ASNS: variants seen among roughly 807,000 people sequenced by gnomAD.
ASNS encodes the protein asparagine synthetase (glutamine-hydrolyzing).
ASNS carries 37 observed loss-of-function variants against 62.6 expected under a neutral mutation model. The ratio of observed to expected loss-of-function variants is 0.59; its 90% CI spans 0.45 to 0.78. The LOEUF (loss-of-function observed/expected upper bound fraction) is 0.78. Among genes scored for constraint, ASNS ranks in the 30% least tolerant of loss-of-function variants. ASNS has a pLI of 0.00. For synonymous variants in ASNS, 207 were observed against 237.9 expected (o/e 0.87, Z 1.19); for missense variants, 520 against 682.4 (o/e 0.76, Z 2.65).
chr7:97,897,468 C>A, the ASNS span, among the ~76,000 whole-genome samples: 1 of 152,136 alleles, frequency 6.6e-6, no homozygotes, highest in African/African-American at 2.4e-5. Context: ...ACAGACATTT[C>A]TCAAAAGAAA....
chr7:97,861,152 G>C (rs1481152107), intron 4 of ASNS, among the ~76,000 whole-genome samples: 1 of 151,440 alleles, frequency 6.6e-6, no homozygotes, highest in Non-Finnish European at 1.5e-5. Flanking sequence ...CTCCTGAGTA[G>C]CTGGGACTAC....
At chr7:97,863,223 T>C (rs1791805601) in intron 4 of ASNS, 1 of 152,190 alleles carries the variant, frequency 6.6e-6, no homozygotes, top group Non-Finnish European at 1.5e-5. Context: ...GTAAATAATG[T>C]CCTAAATGTC....
chr7:97,888,346 A>C, the ASNS span, among the ~76,000 whole-genome samples: 2 of 148,496 alleles, frequency 1.3e-5, no homozygotes, highest in African/African-American at 5.0e-5. Context: ...TTTTTTTTTA[A>C]GAAAAAGTTG....
chr7:97,884,145 CCA>C, the ASNS span, among the ~76,000 whole-genome samples: 1 of 152,170 alleles, frequency 6.6e-6, no homozygotes, highest in Non-Finnish European at 1.5e-5. Context: ...TGTGAAGTTT[CCA>C]CACACTAATG....
At chr7:97,881,389 C>A in the ASNS span, among the ~76,000 whole-genome samples, 91,038 of 148,570 alleles carry the variant, frequency 0.61, 28,003 homozygotes, top group East Asian at 0.67. Context: ...CCCCGCCCCC[C>A]CAAAAAATAA....
the ASNS span, among the ~76,000 whole-genome samples, chr7:97,911,309 T>C: frequency 1.3e-5 from 2 of 152,214 alleles, no homozygotes; most frequent in Non-Finnish European, 2.9e-5. Context: ...TCTCTACTTT[T>C]ATGTTTATCG....
At chr7:97,900,488 CT>C in the ASNS span, among the ~76,000 whole-genome samples, 1 of 151,120 alleles carries the variant, frequency 6.6e-6, no homozygotes, top group Non-Finnish European at 1.5e-5. Flanking sequence ...AGTTTAACAA[CT>C]TCCCAAACAA....
chr7:97,864,231 G>C, intron 4 of ASNS, 28 bp downstream of exon 4: 1 of 1,569,546 alleles, frequency 6.4e-7, no homozygotes, highest in Middle Eastern at 1.7e-4. Context: ...AGACAATAAT[G>C]AAAATCTATA....
At chr7:97,883,251 A>T in the ASNS span, among the ~76,000 whole-genome samples, 1 of 152,162 alleles carries the variant, frequency 6.6e-6, no homozygotes, top group Non-Finnish European at 1.5e-5. Flanking sequence ...ATAGGGAAGG[A>T]GGAGTTGTTG....
the ASNS span, among the ~76,000 whole-genome samples, chr7:97,882,323 C>T: frequency 4.6e-5 from 7 of 152,064 alleles, no homozygotes; most frequent in East Asian, 1.9e-4. Flanking sequence ...CCGAGGCTGA[C>T]GGATCACGAG....
At chr7:97,858,458 C>T in intron 6 of ASNS, 53 bp from the exon 7 acceptor site, 2 of 1,603,182 alleles carry the variant, frequency 1.2e-6, no homozygotes, top group Non-Finnish European at 1.7e-6. Context: ...TTGCATAAGA[C>T]AGGGACAGAA....
At chr7:97,871,196 G>A (rs1584479689) in intron 1 of ASNS, among the ~76,000 whole-genome samples, 2 of 151,962 alleles carry the variant, frequency 1.3e-5, no homozygotes, top group Non-Finnish European at 2.9e-5. Context: ...AAATATTATC[G>A]AGCAGATATT....
chr7:97,881,354 G>A, the ASNS span, among the ~76,000 whole-genome samples: 1 of 151,920 alleles, frequency 6.6e-6, no homozygotes. Context: ...TCTCTGTCTA[G>A]TTCCAAAACA....
chr7:97,873,986 G>C (rs1485964434), upstream of ASNS, among the ~76,000 whole-genome samples: 1 of 152,140 alleles, frequency 6.6e-6, no homozygotes, highest in African/African-American at 2.4e-5. Context: ...ATCTTATCAG[G>C]AGACAGGGTT....
rs764969091 is a variant in ASNS at position 97,864,404 on chromosome 7, A to T, written c.342T>A (p.Ile114=). The T allele has an allele frequency of 2.5e-6, 4 of 1,613,832 alleles. No individual in the cohort carries two copies. The East Asian group carries it at 8.9e-5, about 36-fold the overall frequency. Residue 114 remains isoleucine, a synonymous_variant, in exon 4 of 13, where the codon ATT becomes ATA. Coordinates refer to ENST00000394308, the MANE Select transcript of ASNS (RefSeq NM_001673.5). ...LYDKGGIEQT[I]CMLDGVFAFV... Reference sequence around the variant, plus strand: ...ATGCAAACACACCATCCAACATACAAATTGTTTGCTCAATTCCTCCTTTGT... The same window carrying T: ...ATGCAAACACACCATCCAACATACATATTGTTTGCTCAATTCCTCCTTTGT...
chr7:97,858,015 C>A (rs1182548105), intron 7 of ASNS, among the ~76,000 whole-genome samples: 15 of 152,076 alleles, frequency 9.9e-5, no homozygotes, highest in Admixed American at 9.8e-4. Flanking sequence ...TGCCCAGACA[C>A]CTTTACTTTC....
Position 97,852,096 on chromosome 7 carries a change from G to T in ASNS, c.*163C>A. On this transcript the variant is annotated 3_prime_UTR_variant, in exon 13 of 13. Transcript: ENST00000394308. Reference sequence around the variant, plus strand: ...CAGTTCTAGTTACCTCTTATGAAGAGACTGCATGAACATAAATGACTACAG... The same window carrying T: ...CAGTTCTAGTTACCTCTTATGAAGATACTGCATGAACATAAATGACTACAG... 1 of 730,284 alleles carries T rather than the reference G, an allele frequency of 1.4e-6. No homozygotes were observed. The highest frequency in any genetic ancestry group is 2.2e-6 in the Non-Finnish European group (1 of 451,170). The allele number at this position is 730,284 out of a possible 1,614,324, so 45.2% of individuals were successfully genotyped here.
At chr7:97,856,880 A>C in intron 7 of ASNS, 64 bp from the exon 8 acceptor site, 3 of 1,449,804 alleles carry the variant, frequency 2.1e-6, no homozygotes, top group Non-Finnish European at 1.9e-6. Context: ...AAAATCAAAC[A>C]TGATGGGAGT....
Position 97,868,935 on chromosome 7 carries a change from G to A in ASNS, c.222C>T (p.Tyr74=). ...VKKYPYLWLC[Y]NGEIYNHKKM... ...TCTTATGGTTGTAGATTTCACCATT[G>A]TAACAGAGCCACAAATACGGATATT... Residue 74 remains tyrosine, a synonymous_variant, in exon 3 of 13, where the codon TAC becomes TAT. Transcript: ENST00000394308. 6.2e-7 allele frequency: 1 copy of A among 1,614,102 alleles called. No individual in the cohort carries two copies. Among genetic ancestry groups the A allele is most frequent in the Non-Finnish European group, 8.5e-7 (1 of 1,180,034 alleles).
Sources: allele counts gnomAD v4.1 joint callset (sites outside exome capture counted in the v4.1 genomes callset), GRCh38; gene constraint gnomAD v4.1.1; transcripts MANE v1.5; gene names NCBI Gene and HGNC (gene_info 2026-07-23, HGNC 2026-07-21).